Variants in BNC2 observed in about 807,000 individuals in gnomAD.
The protein encoded by BNC2 is zinc finger protein basonuclin-2.
Under a neutral mutation model 76.3 loss-of-function variants are expected in BNC2, and 20 were observed. The observed-to-expected ratio is 0.26, with a 90% CI of 0.18 to 0.38. The LOEUF (loss-of-function observed/expected upper bound fraction) is 0.38. BNC2 is among the 10% of genes least tolerant of loss of function. The pLI, the probability that BNC2 is intolerant of heterozygous loss-of-function variation, is 1.00. For synonymous variants in BNC2, 582 were observed against 514.8 expected (o/e 1.13, Z -1.77); for missense variants, 1,382 against 1,399.8 (o/e 0.99, Z 0.20).
rs187518335 is a variant in BNC2 at position 16,859,573 on chromosome 9, G to C, written c.3+11073C>G. The stretch of plus-strand genomic sequence containing the variant: ...CATAAATGAACCTTAAGAACATTAA[G>C]TTTCTAGCTAAGTGAAATAAGCCGG... On this transcript the variant is annotated intron_variant, in intron 1 of 6. Transcript: ENST00000380672. Among the ~76,000 whole-genome samples the C allele has an allele frequency of 3.1e-4, 47 of 152,280 alleles. No individual in the cohort carries two copies. In the Middle Eastern group the frequency reaches 0.014, roughly 44 times the overall value.
At chr9:16,578,337 A>C (rs561973187) in intron 4 of BNC2, among the ~76,000 whole-genome samples, 1 of 152,270 alleles carries the variant, frequency 6.6e-6, no homozygotes, top group African/African-American at 2.4e-5. Flanking sequence ...TCCTCATCTA[A>C]ACTATGGACA....
intron 1 of BNC2, among the ~76,000 whole-genome samples, chr9:16,868,949 G>A (rs754703296): frequency 3.3e-5 from 5 of 152,180 alleles, no homozygotes; most frequent in African/African-American, 4.8e-5. Flanking sequence ...ACAGTAACAC[G>A]TGAAATTGCA....
At chr9:16,558,219 A>C (rs1818898850) in intron 4 of BNC2, among the ~76,000 whole-genome samples, 1 of 152,206 alleles carries the variant, frequency 6.6e-6, no homozygotes, top group South Asian at 2.1e-4. Flanking sequence ...CAGCACCCTG[A>C]GCATAACAAC....
chr9:16,659,154 G>A (rs1003249714), intron 3 of BNC2, among the ~76,000 whole-genome samples: 2 of 152,090 alleles, frequency 1.3e-5, no homozygotes, highest in Non-Finnish European at 2.9e-5. Flanking sequence ...TGGCGGGGGG[G>A]GGCATGTGAA....
At chr9:16,832,283 A>C (rs1818593944) in intron 1 of BNC2, 2 of 1,284,482 alleles carry the variant, frequency 1.6e-6, no homozygotes, top group South Asian at 2.5e-5. Context: ...TGACGTCATC[A>C]GTCATGTGTC....
intron 6 of BNC2, chr9:16,430,090 G>T: frequency 2.2e-6 from 1 of 455,778 alleles, no homozygotes; most frequent in South Asian, 1.6e-5. Flanking sequence ...AATTACTCAG[G>T]AGGGGGATGT....
chr9:16,739,207 C>T (rs543961062), intron 1 of BNC2, among the ~76,000 whole-genome samples: 1 of 152,250 alleles, frequency 6.6e-6, no homozygotes, highest in African/African-American at 2.4e-5. Context: ...CTATACTCCA[C>T]TACAAAGAGT....
At chr9:16,515,650 G>C (rs965763456) in intron 5 of BNC2, among the ~76,000 whole-genome samples, 2 of 149,274 alleles carry the variant, frequency 1.3e-5, no homozygotes, top group African/African-American at 5.0e-5. Flanking sequence ...AAATCACCTT[G>C]ATCCAGTACA....
chr9:16,742,561 G>A (rs1367215337), intron 1 of BNC2, among the ~76,000 whole-genome samples: 1 of 152,136 alleles, frequency 6.6e-6, no homozygotes, highest in East Asian at 1.9e-4. Flanking sequence ...AGCCCCTACA[G>A]CCTGCTTTCC....
At chr9:16,867,808 G>A (rs1320257281) in intron 1 of BNC2, 1 of 149,074 alleles carries the variant, frequency 6.7e-6, no homozygotes, top group Admixed American at 6.8e-5. Flanking sequence ...TAACTTGGAA[G>A]GCAAAAAAAT....
At chr9:16,791,670 C>T (rs1020520753) in intron 1 of BNC2, among the ~76,000 whole-genome samples, 6 of 152,090 alleles carry the variant, frequency 3.9e-5, no homozygotes, top group Non-Finnish European at 7.4e-5. Context: ...GATTATAATT[C>T]GAACACTGTT....
intron 3 of BNC2, among the ~76,000 whole-genome samples, chr9:16,620,811 G>A (rs2133580903): frequency 1.3e-5 from 2 of 152,246 alleles, no homozygotes; most frequent in East Asian, 3.9e-4. Flanking sequence ...TAAACTCCTT[G>A]AGCAGGATTA....
chr9:16,595,848 T>C (rs951400374), intron 3 of BNC2, among the ~76,000 whole-genome samples: 1 of 152,118 alleles, frequency 6.6e-6, no homozygotes, highest in African/African-American at 2.4e-5. Flanking sequence ...GTCAGGAACT[T>C]TGAGCTAACT....
chr9:16,667,105 A>G (rs912836289), intron 3 of BNC2, among the ~76,000 whole-genome samples: 15 of 151,194 alleles, frequency 9.9e-5, no homozygotes, highest in African/African-American at 2.0e-4. Context: ...ACACACACAC[A>G]CACGCACACA....
At chr9:16,614,958 T>TAAAAAAA in intron 3 of BNC2, among the ~76,000 whole-genome samples, 1 of 62,526 alleles carries the variant, frequency 1.6e-5, no homozygotes, top group Non-Finnish European at 3.0e-5. Flanking sequence ...TCTGTCTCTT[T>TAAAAAAA]AAAAAAAAAA....
intron 4 of BNC2, among the ~76,000 whole-genome samples, chr9:16,559,098 T>G (rs1342121834): frequency 6.6e-6 from 1 of 152,092 alleles, no homozygotes; most frequent in Non-Finnish European, 1.5e-5. Flanking sequence ...ACGAATGCCT[T>G]CAACAGCATT....
rs1390305133 is a variant in BNC2 at position 16,498,155 on chromosome 9, CATCATATATATATTCT to C, written c.669+54359_669+54374del. On this transcript the variant is annotated intron_variant, in intron 5 of 6. Transcript: ENST00000380672. ...TATATATATTCTATCATATATATTC[CATCATATATATATTCT>C]ATCATATATATATTCCATCATATAT... Among the ~76,000 whole-genome samples, 216 of 128,990 alleles carry C rather than the reference CATCATATATATATTCT, an allele frequency of 1.7e-3. 2 individuals carry two copies. The highest frequency in any genetic ancestry group is 4.1e-3 in the African/African-American group (132 of 31,926). The allele number at this position is 128,990 out of a possible 152,430, so 84.6% of individuals were successfully genotyped here. A position where few individuals can be genotyped will look rare whatever the true frequency, so the allele number is the denominator to read the frequency against.
intron 1 of BNC2, among the ~76,000 whole-genome samples, chr9:16,827,105 T>C (rs1236738772): frequency 6.6e-6 from 1 of 152,336 alleles, no homozygotes. Context: ...AATGCTTACA[T>C]TGCATTAGGT....
chr9:16,837,111 T>C (rs1818724735), intron 1 of BNC2, among the ~76,000 whole-genome samples: 1 of 152,168 alleles, frequency 6.6e-6, no homozygotes, highest in Admixed American at 6.6e-5. Context: ...ACAAAACACT[T>C]TCAAAATGCT....
Sources: allele counts gnomAD v4.1 joint callset (sites outside exome capture counted in the v4.1 genomes callset), GRCh38; gene constraint gnomAD v4.1.1; transcripts MANE v1.5; gene names NCBI Gene and HGNC (gene_info 2026-07-23, HGNC 2026-07-21).